The following CCDC57 variants were observed in gnomAD, a reference collection of about 807,000 sequenced individuals.
The protein encoded by CCDC57 is coiled-coil domain-containing protein 57.
Under a neutral mutation model 118.9 loss-of-function variants are expected in CCDC57, and 118 were observed. The observed-to-expected ratio is 0.99, with a 90% confidence interval of 0.86 to 1.16. CCDC57 has a LOEUF of 1.16. Ranked by LOEUF, CCDC57 falls within the 50% of genes most tolerant of loss-of-function variation. The pLI is 0.00. For missense variants in CCDC57, 1,300 were observed against 1,320.7 expected (o/e 0.98, Z 0.24); for synonymous variants, 527 against 532.9 (o/e 0.99, Z 0.15).
intron 16 of CCDC57, among the ~76,000 whole-genome samples, chr17:82,136,982 A>G (rs558849130): frequency 1.3e-5 from 2 of 148,262 alleles, no homozygotes; most frequent in South Asian, 4.3e-4. Context: ...AGTTAGCCCA[A>G]TTTTGATGGG....
rs531955199 is a variant in CCDC57 at position 82,126,241 on chromosome 17, T to C, written c.2899+1451A>G. Reference sequence around the variant, plus strand: ...CTTGCAGTGAGCTGAGATTGCGCCATTGCACTCCAGCCCGAGCAACAAGAG... The same window carrying C: ...CTTGCAGTGAGCTGAGATTGCGCCACTGCACTCCAGCCCGAGCAACAAGAG... On this transcript the variant is annotated intron_variant, in intron 19 of 19. Coordinates refer to ENST00000665763, the Ensembl canonical transcript of CCDC57. The C allele has an allele frequency of 3.3e-5, 12 of 367,726 alleles. No individual in the cohort carries two copies. The Admixed American group carries it at 3.3e-4, about 10-fold the overall frequency. The allele number at this position is 367,726 out of a possible 1,614,324, so 22.8% of individuals were successfully genotyped here.
intron 3 of CCDC57, 114 bp from the exon 3 acceptor site, chr17:82,198,536 G>A (rs2048571672): frequency 1.4e-6 from 1 of 690,572 alleles, no homozygotes; most frequent in East Asian, 2.8e-5. Flanking sequence ...ATGAAGGGGT[G>A]GCTTCAGCAG....
At chr17:82,198,231 T>C (rs746112732) in intron 4 of CCDC57, 83 bp downstream of exon 3, 81 of 803,628 alleles carry the variant, frequency 1.0e-4, no homozygotes, top group Non-Finnish European at 1.5e-4. Flanking sequence ...AATGGTTGTC[T>C]TTTCCTCAGC....
intron 13 of CCDC57, 147 bp downstream of exon 12, chr17:82,171,554 G>C: frequency 1.3e-6 from 1 of 762,956 alleles, no homozygotes; most frequent in East Asian, 2.7e-5. Context: ...GGCTCTGGAG[G>C]GAGCACAAGG....
rs541811895 is a variant in CCDC57, at chr17:82,212,229, C to T, written c.-211+556G>A. 3.5e-4 allele frequency among the ~76,000 whole-genome samples: 54 copies of T among 152,124 alleles called. No homozygotes were observed. Among genetic ancestry groups the T allele is most frequent in the African/African-American group, 1.1e-3 (47 of 41,508 alleles). On this transcript the variant is annotated intron_variant, in intron 1 of 19. Coordinates refer to ENST00000665763, the Ensembl canonical transcript of CCDC57. The surrounding 1 kb of genome is among the most constrained non-coding windows in gnomAD (Gnocchi z 4.1). ...CCTCCGGAGTAGCTGGGATTACAGGCGTGCACCACCACGCCCAATAATTTT... is the reference window on the plus strand; with the variant it reads ...CCTCCGGAGTAGCTGGGATTACAGGTGTGCACCACCACGCCCAATAATTTT...
chr17:82,187,377 C>T (rs1568414287), intron 8 of CCDC57, among the ~76,000 whole-genome samples: 1 of 148,334 alleles, frequency 6.7e-6, no homozygotes, highest in African/African-American at 2.5e-5. Flanking sequence ...AATTCTGACA[C>T]ATGTTAAAAT....
At chr17:82,181,234 G>A (rs1473017759) in intron 9 of CCDC57, among the ~76,000 whole-genome samples, 1 of 152,256 alleles carries the variant, frequency 6.6e-6, no homozygotes, top group African/African-American at 2.4e-5. Context: ...GCTGGGCCAA[G>A]AGCAACTCGT....
chr17:82,174,897 G>A (rs971001023), intron 11 of CCDC57, among the ~76,000 whole-genome samples: 14 of 152,312 alleles, frequency 9.2e-5, no homozygotes, highest in South Asian at 4.1e-4. Flanking sequence ...CCTCAGGGCC[G>A]AGAGAATTTT....
At chr17:82,160,906 T>C (rs972817219) in intron 14 of CCDC57, among the ~76,000 whole-genome samples, 4 of 130,750 alleles carry the variant, frequency 3.1e-5, no homozygotes, top group African/African-American at 5.7e-5. Context: ...AAAGAGAAAG[T>C]GAAAAGACAA....
chr17:82,194,181 G>A, intron 5 of CCDC57, 42 bp from the exon 5 acceptor site: 1 of 1,589,262 alleles, frequency 6.3e-7, no homozygotes, highest in East Asian at 2.3e-5. Flanking sequence ...GTGATAATTA[G>A]AAGACACTGA....
intron 19 of CCDC57, chr17:82,126,191 A>T: frequency 5.3e-6 from 1 of 189,438 alleles, no homozygotes; most frequent in Non-Finnish European, 9.8e-6. Context: ...GAGGCAGGAG[A>T]ATCATTTGAA....
intron 15 of CCDC57, chr17:82,153,544 G>A (rs1230904217): frequency 1.3e-5 from 2 of 152,188 alleles, no homozygotes; most frequent in Non-Finnish European, 2.9e-5. Context: ...TCCTAGTCAC[G>A]TGATTCTGCA....
At chr17:82,180,083 C>T (rs1035142397) in intron 9 of CCDC57, among the ~76,000 whole-genome samples, 1 of 152,176 alleles carries the variant, frequency 6.6e-6, no homozygotes, top group Non-Finnish European at 1.5e-5. Context: ...GGCCTCATTG[C>T]ACCGGTAAAC....
rs1400493315 is a variant in CCDC57, at chr17:82,151,782, A to C, written c.2242-9T>G. 6.5e-7 allele frequency: 1 copy of C among 1,548,672 alleles called. No individual in the cohort carries two copies. On this transcript the variant is annotated splice_polypyrimidine_tract_variant and intron_variant, in intron 15 of 19. Coordinates refer to ENST00000665763, the Ensembl canonical transcript of CCDC57. ...CCTCTCTTGGTGAGGCCCTGTAACA[A>C]AACTCACAGGCAGACACCCCTGTGA...
intron 8 of CCDC57, among the ~76,000 whole-genome samples, chr17:82,185,620 A>C (rs1599277689): frequency 6.7e-6 from 1 of 148,600 alleles, no homozygotes; most frequent in East Asian, 1.9e-4. Context: ...CCTTGTCACA[A>C]AAAAAAAAAG....
At chr17:82,179,129 C>T (rs774600230) in exon 10 of CCDC57, 4 of 1,614,018 alleles carry the variant, frequency 2.5e-6, no homozygotes, top group Non-Finnish European at 3.4e-6. Context: ...GGCCCAGCTG[C>T]ACCTGATCAC....
chr17:82,184,027 GCGCGCACACACACACACACA>G (rs1424413839), intron 8 of CCDC57, 95 bp from the exon 8 acceptor site: 29 of 328,580 alleles, frequency 8.8e-5, no homozygotes, highest in Middle Eastern at 4.6e-4. Context: ...GCGCGCGCGC[GCGCGCACACACACACACACA>G]CACACACACA....
At chr17:82,164,333 A>G (rs1305333063) in intron 13 of CCDC57, among the ~76,000 whole-genome samples, 1 of 152,118 alleles carries the variant, frequency 6.6e-6, no homozygotes, top group African/African-American at 2.4e-5. Context: ...GTGAGCCAAG[A>G]TTGTGCCACT....
chr17:82,181,419 G>A (rs978208038), intron 9 of CCDC57, among the ~76,000 whole-genome samples: 4 of 152,176 alleles, frequency 2.6e-5, no homozygotes, highest in African/African-American at 7.2e-5. Flanking sequence ...ACCTGCCCTC[G>A]CACTGATTTT....
Sources: allele counts gnomAD v4.1 joint callset (sites outside exome capture counted in the v4.1 genomes callset), GRCh38; gene constraint gnomAD v4.1.1; non-coding constraint Gnocchi (gnomAD v3.1); transcripts MANE v1.5; gene names NCBI Gene and HGNC (gene_info 2026-07-23, HGNC 2026-07-21).